Variants in RCBTB1 observed in about 807,000 individuals in gnomAD.
The protein encoded by RCBTB1 is RCC1 and BTB domain-containing protein 1.
RCBTB1 carries 46 observed loss-of-function variants against 62.4 expected under a neutral mutation model. That is an observed-to-expected ratio of 0.74 (90% confidence interval 0.58 to 0.94). The LOEUF is 0.94. Ranked by LOEUF, RCBTB1 falls within the 40% of genes least tolerant of loss-of-function variation. The pLI, the probability that RCBTB1 is intolerant of heterozygous loss-of-function variation, is 0.00. For missense variants in RCBTB1, 565 were observed against 654.9 expected (o/e 0.86, Z 1.50); for synonymous variants, 222 against 245.8 (o/e 0.90, Z 0.91).
intron 8 of RCBTB1, 150 bp downstream of exon 8, chr13:49,551,176 G>C: frequency 1.3e-6 from 1 of 795,744 alleles, no homozygotes; most frequent in Non-Finnish European, 1.9e-6. Flanking sequence ...AGGAGGAAGG[G>C]GGAAGGGAGA....
rs1345924407 is a variant in RCBTB1 at position 49,540,846 on chromosome 13, G to T, written c.1455+30C>A. The T allele has an allele frequency of 1.9e-6, 3 of 1,607,402 alleles. No individual in the cohort carries two copies. In the South Asian group the frequency reaches 3.3e-5, roughly 18 times the overall value. On this transcript the variant is annotated intron_variant, in intron 12 of 12. Transcript: ENST00000378302. ...GACGAGCACAAAGGGAGTTAAAGGT[G>T]GTCTGGTTTCTGTTTGTTGTTTAAG...
At chr13:49,534,313 G>T in intron 12 of RCBTB1, 51 bp from the exon 13 acceptor site, 2 of 1,574,124 alleles carry the variant, frequency 1.3e-6, no homozygotes, top group South Asian at 1.1e-5. Context: ...AGGCAACTTT[G>T]ATTGAATTAC....
intron 9 of RCBTB1, 129 bp downstream of exon 9, chr13:49,549,329 G>A (rs1961116275): frequency 1.2e-6 from 1 of 803,018 alleles, no homozygotes; most frequent in Non-Finnish European, 1.9e-6. Flanking sequence ...CATCTATTTT[G>A]ACGGAACGTA....
chr13:49,578,211 T>C (rs1336222101), intron 2 of RCBTB1, among the ~76,000 whole-genome samples: 1 of 152,206 alleles, frequency 6.6e-6, no homozygotes, highest in Non-Finnish European at 1.5e-5. Context: ...CATCCTCCCA[T>C]ATACTTTAAA....
chr13:49,584,735 T>A (rs1172827371), intron 1 of RCBTB1, among the ~76,000 whole-genome samples: 1 of 152,190 alleles, frequency 6.6e-6, no homozygotes, highest in African/African-American at 2.4e-5. Flanking sequence ...AAGACTGCTT[T>A]ATAAAATTGT....
chr13:49,547,417 C>A (rs1223314945), intron 9 of RCBTB1, among the ~76,000 whole-genome samples: 3 of 152,148 alleles, frequency 2.0e-5, no homozygotes, highest in Non-Finnish European at 4.4e-5. Flanking sequence ...CTGCCAAGAA[C>A]TACATTAATT....
At chr13:49,573,788 T>TC (rs35741686) in intron 2 of RCBTB1, among the ~76,000 whole-genome samples, 3 of 63,312 alleles carry the variant, frequency 4.7e-5, no homozygotes, top group African/African-American at 2.3e-4. Context: ...AATTTCTCTC[T>TC]TTTTTTTTTT....
In RCBTB1 at chr13:49,552,228, G is replaced by C; in HGVS notation, c.661C>G (p.Gln221Glu). ...GCTGCCACTCTCACAGGGGTCAGCTGGTTGCCATTGTTTCCCAGGCCCAGC... is the reference window on the plus strand; with the variant it reads ...GCTGCCACTCTCACAGGGGTCAGCTCGTTGCCATTGTTTCCCAGGCCCAGC... ...GQLGLGNNGN[Q>E]LTPVRVAALH... is the part of the protein sequence containing the mutation. Residue 221 changes from glutamine to glutamate, a missense_variant, in exon 7 of 13, where the codon CAG (glutamine) becomes GAG (glutamate). Physicochemically the swap from Gln to Glu is conservative, Grantham distance 29 (BLOSUM62 2). Transcript: ENST00000378302. 1 of 1,599,910 alleles carries C rather than the reference G, an allele frequency of 6.3e-7. No homozygotes were observed. The highest frequency in any genetic ancestry group is 8.5e-7 in the Non-Finnish European group (1 of 1,172,842).
intron 6 of RCBTB1, among the ~76,000 whole-genome samples, chr13:49,554,119 A>C (rs1961638674): frequency 6.6e-6 from 1 of 152,236 alleles, no homozygotes; most frequent in Non-Finnish European, 1.5e-5. Flanking sequence ...GGGAGCGGGA[A>C]GCAGGCTGAA....
intron 10 of RCBTB1, among the ~76,000 whole-genome samples, chr13:49,544,116 T>C (rs1273401033): frequency 1.3e-5 from 2 of 152,240 alleles, no homozygotes; most frequent in African/African-American, 4.8e-5. Context: ...TTTTGTATTT[T>C]CTTTAACCAC....
intron 9 of RCBTB1, among the ~76,000 whole-genome samples, chr13:49,548,698 A>G (rs1372668834): frequency 6.6e-6 from 1 of 151,920 alleles, no homozygotes; most frequent in East Asian, 1.9e-4. Context: ...AGCCAGACAC[A>G]TGGGTCACAT....
At chr13:49,541,985 C>G (rs544009323) in intron 10 of RCBTB1, among the ~76,000 whole-genome samples, 158 bp from the exon 11 acceptor site, 1 of 152,168 alleles carries the variant, frequency 6.6e-6, no homozygotes, top group African/African-American at 2.4e-5. Flanking sequence ...GGAGGCCAAG[C>G]GGGTAGATCA....
At chr13:49,567,761 T>C (rs7334012) in intron 2 of RCBTB1, among the ~76,000 whole-genome samples, 36,622 of 151,854 alleles carry the variant, frequency 0.24, 6,017 homozygotes, top group African/African-American at 0.47. Flanking sequence ...AGCACCAACT[T>C]GGATGACAAG....
At chr13:49,536,570 GT>G (rs1959960402) in intron 12 of RCBTB1, among the ~76,000 whole-genome samples, 1 of 152,198 alleles carries the variant, frequency 6.6e-6, no homozygotes, top group Non-Finnish European at 1.5e-5. Context: ...GCTGGTTATA[GT>G]TGACTTCTTA....
chr13:49,539,145 C>T (rs1232793844), intron 12 of RCBTB1, among the ~76,000 whole-genome samples: 5 of 149,764 alleles, frequency 3.3e-5, no homozygotes, highest in South Asian at 4.2e-4. Flanking sequence ...GGATTACAGG[C>T]GTGATCTCCA....
intron 12 of RCBTB1, 125 bp from the exon 13 acceptor site, chr13:49,534,387 G>T: frequency 1.0e-6 from 1 of 990,194 alleles, no homozygotes; most frequent in Non-Finnish European, 1.5e-6. Context: ...TGAGAGGCCA[G>T]ATACCTAAAA....
chr13:49,545,475 A>G (rs1163673940), intron 9 of RCBTB1, among the ~76,000 whole-genome samples: 1 of 151,968 alleles, frequency 6.6e-6, no homozygotes, highest in Non-Finnish European at 1.5e-5. Context: ...CAACACCTAC[A>G]TGAAGGGAAC....
intron 12 of RCBTB1, among the ~76,000 whole-genome samples, chr13:49,535,204 C>T (rs1465771599): frequency 1.3e-5 from 2 of 152,132 alleles, no homozygotes; most frequent in Non-Finnish European, 2.9e-5. Context: ...AAACAGAAGT[C>T]ACCAACTACC....
rs566888916 is a variant in RCBTB1, at chr13:49,546,919, A to C, written c.1046-2056T>G. The C allele has an allele frequency of 2.7e-5, 27 of 984,158 alleles. No individual in the cohort carries two copies. In the South Asian group the frequency reaches 1.2e-3, roughly 43 times the overall value. 61.0% of individuals were successfully genotyped at this position (984,158 alleles called of 1,614,324 possible). ...GGGGTGTGGGGACCCCTGATCTAGG[A>C]GGATATAGTCAATGACCATATTTTT... On this transcript the variant is annotated intron_variant, in intron 9 of 12. Coordinates refer to ENST00000378302, the MANE Select transcript of RCBTB1 (RefSeq NM_018191.4).
Sources: allele counts gnomAD v4.1 joint callset (sites outside exome capture counted in the v4.1 genomes callset), GRCh38; gene constraint gnomAD v4.1.1; transcripts MANE v1.5; gene names NCBI Gene and HGNC (gene_info 2026-07-23, HGNC 2026-07-21).